The following NOP58 variants were observed in gnomAD, a reference collection of about 807,000 sequenced individuals.
NOP58 encodes NOP58 ribonucleoprotein, also known as nucleolar protein 58.
NOP58 carries 44 observed loss-of-function variants against 71.2 expected under a neutral mutation model. The observed-to-expected ratio is 0.62, with a 90% confidence interval of 0.49 to 0.79. The LOEUF is 0.79. Among genes scored for constraint, NOP58 ranks in the 30% least tolerant of loss-of-function variants. The pLI, the probability that NOP58 is intolerant of heterozygous loss-of-function variation, is 0.00. For missense variants in NOP58, 538 were observed against 620.2 expected (o/e 0.87, Z 1.41); for synonymous variants, 228 against 200.3 (o/e 1.14, Z -1.17).
intron 1 of NOP58, among the ~76,000 whole-genome samples, chr2:202,270,344 C>T (rs565492934): frequency 6.6e-6 from 1 of 152,248 alleles, no homozygotes; most frequent in East Asian, 1.9e-4. Flanking sequence ...ACATTTGTTG[C>T]GTGTATGGAT....
rs776531643 is a variant in NOP58, at chr2:202,297,554, C to T, written c.1206+41C>T. The T allele has an allele frequency of 7.6e-6, 12 of 1,581,256 alleles. No individual in the cohort carries two copies. The African/African-American group carries it at 1.6e-4, about 21-fold the overall frequency. On this transcript the variant is annotated intron_variant, in intron 11 of 14. Transcript: ENST00000264279. ...TGCCTATTCCAGAAGTATTACTTGT[C>T]AAAAGTTAATAAACTGAGTAAATTT...
chr2:202,287,622 A>G (rs748230769), intron 5 of NOP58, 38 bp from the exon 6 acceptor site: 1 of 1,511,590 alleles, frequency 6.6e-7, no homozygotes, highest in Non-Finnish European at 9.2e-7. Flanking sequence ...CTTTTCCTAG[A>G]TGCTATCTTG....
chr2:202,291,676 G>A (rs1038487488), intron 8 of NOP58, among the ~76,000 whole-genome samples: 3 of 151,664 alleles, frequency 2.0e-5, no homozygotes, highest in African/African-American at 4.8e-5. Flanking sequence ...GCGTGGTGGC[G>A]TACACCTGTA....
intron 1 of NOP58, among the ~76,000 whole-genome samples, chr2:202,271,649 A>C (rs1688513308): frequency 6.6e-6 from 1 of 152,170 alleles, no homozygotes; most frequent in Admixed American, 6.6e-5. Context: ...TTTTTATTTA[A>C]AAAACCAGCT....
At chr2:202,272,279 A>C (rs1383766449) in intron 1 of NOP58, among the ~76,000 whole-genome samples, 1 of 150,574 alleles carries the variant, frequency 6.6e-6, no homozygotes, top group Non-Finnish European at 1.5e-5. Context: ...CAGCCTCCCG[A>C]GTAGCTGGAA....
rs778186057 is a variant in NOP58 at position 202,275,095 on chromosome 2, T to G, written c.46-18T>G. ...ACCTGTACCATTTAAATAAAACTAT[T>G]TAAACATTTTATTACAGGTTCTAAA... On this transcript the variant is annotated intron_variant, in intron 1 of 14. Transcript: ENST00000264279. The G allele has an allele frequency of 6.9e-6, 9 of 1,295,452 alleles. No individual in the cohort carries two copies. Among genetic ancestry groups the G allele is most frequent in the Non-Finnish European group, 9.9e-6 (9 of 908,490 alleles). 80.2% of individuals were successfully genotyped at this position (1,295,452 alleles called of 1,614,324 possible).
intron 13 of NOP58, among the ~76,000 whole-genome samples, chr2:202,301,527 C>T (rs1376284357): frequency 6.6e-6 from 1 of 152,142 alleles, no homozygotes; most frequent in East Asian, 1.9e-4. Flanking sequence ...CTTTGGCCAT[C>T]AACCTTGACT....
intron 1 of NOP58, among the ~76,000 whole-genome samples, chr2:202,272,737 G>T (rs1688530492): frequency 1.3e-5 from 2 of 152,304 alleles, no homozygotes; most frequent in South Asian, 2.1e-4. Flanking sequence ...AAGAGGACAT[G>T]TATCAAATAG....
intron 1 of NOP58, among the ~76,000 whole-genome samples, chr2:202,267,328 GT>G (rs1409654386): frequency 6.6e-6 from 1 of 152,158 alleles, no homozygotes; most frequent in Non-Finnish European, 1.5e-5. Context: ...TGGGTGCAGA[GT>G]TCTCCATGTT....
At chr2:202,303,114 A>G (rs1689120560) in intron 14 of NOP58, 57 bp downstream of exon 14, 1 of 1,548,384 alleles carries the variant, frequency 6.5e-7, no homozygotes, top group Non-Finnish European at 8.7e-7. Flanking sequence ...TCTATATTTC[A>G]ATCTATTTTC....
intron 1 of NOP58, among the ~76,000 whole-genome samples, chr2:202,272,083 A>G (rs890134540): frequency 2.4e-4 from 37 of 151,844 alleles, no homozygotes; most frequent in Middle Eastern, 3.4e-3. Flanking sequence ...GAGAAACACA[A>G]TGTTGCAAGT....
At chr2:202,280,344 G>C (rs1224701637) in intron 3 of NOP58, among the ~76,000 whole-genome samples, 2 of 151,292 alleles carry the variant, frequency 1.3e-5, no homozygotes, top group African/African-American at 4.9e-5. Context: ...TTTTTTTGGA[G>C]ATGGAGTTTC....
At chr2:202,298,461 G>C (rs1262431872) in intron 12 of NOP58, among the ~76,000 whole-genome samples, 1 of 152,088 alleles carries the variant, frequency 6.6e-6, no homozygotes, top group Non-Finnish European at 1.5e-5. Context: ...CACAGGCCTG[G>C]CCAACATGGT....
At chr2:202,296,777 A>G (rs2105855329) in intron 10 of NOP58, among the ~76,000 whole-genome samples, 1 of 152,066 alleles carries the variant, frequency 6.6e-6, no homozygotes, top group South Asian at 2.1e-4. Context: ...TCTGTCGCCC[A>G]GACTGGAGTG....
intron 2 of NOP58, among the ~76,000 whole-genome samples, chr2:202,277,571 CAA>C (rs969610938): frequency 6.6e-6 from 1 of 151,802 alleles, no homozygotes; most frequent in Non-Finnish European, 1.5e-5. Flanking sequence ...ACAGGATAGA[CAA>C]ATGAATATCA....
intron 3 of NOP58, among the ~76,000 whole-genome samples, chr2:202,280,787 T>G (rs1688689134): frequency 1.3e-5 from 2 of 151,118 alleles, no homozygotes; most frequent in Non-Finnish European, 2.9e-5. Context: ...TTTTTTTTTT[T>G]GATACTGATC....
chr2:202,271,683 C>T (rs1469672569), intron 1 of NOP58, among the ~76,000 whole-genome samples: 1 of 152,130 alleles, frequency 6.6e-6, no homozygotes, highest in East Asian at 1.9e-4. Context: ...TGGTTCCTTC[C>T]TGCACTCCCA....
chr2:202,289,012 TAGG>T (rs754688190), intron 6 of NOP58, among the ~76,000 whole-genome samples: 3 of 151,378 alleles, frequency 2.0e-5, no homozygotes, highest in South Asian at 2.1e-4. Context: ...CCCAGCCACT[TAGG>T]AGGCTGAGGA....
intron 1 of NOP58, among the ~76,000 whole-genome samples, chr2:202,266,881 A>T (rs1688425826): frequency 6.6e-6 from 1 of 152,162 alleles, no homozygotes; most frequent in Non-Finnish European, 1.5e-5. Flanking sequence ...AGGACTAAAG[A>T]TTTCCGGTTT....
Sources: allele counts gnomAD v4.1 joint callset (sites outside exome capture counted in the v4.1 genomes callset), GRCh38; gene constraint gnomAD v4.1.1; transcripts MANE v1.5; gene names NCBI Gene and HGNC (gene_info 2026-07-23, HGNC 2026-07-21).